The following SLC39A14 variants were observed in gnomAD, a reference collection of about 807,000 sequenced individuals.
SLC39A14 encodes the protein solute carrier family 39 member 14.
A neutral mutation model predicts 45.5 loss-of-function variants in SLC39A14; 19 were observed. That is an observed-to-expected ratio of 0.42 (90% CI 0.29 to 0.61). The LOEUF is 0.61. Ranked by LOEUF, SLC39A14 falls within the 20% of genes least tolerant of loss-of-function variation. The pLI is 0.22. For missense variants in SLC39A14, 447 were observed against 616.5 expected (o/e 0.73, Z 2.91); for synonymous variants, 264 against 251.3 (o/e 1.05, Z -0.48).
intron 1 of SLC39A14, among the ~76,000 whole-genome samples, chr8:22,400,735 C>T (rs1834807418): frequency 6.6e-6 from 1 of 152,184 alleles, no homozygotes; most frequent in Admixed American, 6.5e-5. Context: ...GATCCTAAAG[C>T]ATGTGATGTC....
chr8:22,368,062 C>A (rs1402228217), intron 1 of SLC39A14, among the ~76,000 whole-genome samples: 1 of 152,108 alleles, frequency 6.6e-6, no homozygotes, highest in Non-Finnish European at 1.5e-5. Context: ...GGGAAAATTT[C>A]GTCAGCTCTG....
In SLC39A14 at chr8:22,404,742, A is replaced by C. The variant is rs776240244; in HGVS notation, c.32A>C (p.Gln11Pro). The C allele has an allele frequency of 6.2e-7, 1 of 1,613,850 alleles. No homozygotes were observed. The highest frequency in any genetic ancestry group is 8.5e-7 in the Non-Finnish European group (1 of 1,179,990). Residue 11 changes from glutamine to proline, a missense_variant, in exon 2 of 9, where the codon CAG becomes CCG. Transcript: ENST00000381237. MKLLLLHPAF[Q>P]SCLLLTLLGL... The stretch of plus-strand genomic sequence containing the variant: ...CTGCTGCTGCTGCACCCGGCCTTCC[A>C]GAGCTGCCTCCTGCTGACCCTGCTT...
At chr8:22,400,925 T>A (rs1834816845) in intron 1 of SLC39A14, among the ~76,000 whole-genome samples, 1 of 152,256 alleles carries the variant, frequency 6.6e-6, no homozygotes, top group Non-Finnish European at 1.5e-5. Context: ...TATAGCTAAA[T>A]TTTATTGAGT....
At chr8:22,395,967 T>C (rs1414330415) in intron 1 of SLC39A14, among the ~76,000 whole-genome samples, 1 of 152,192 alleles carries the variant, frequency 6.6e-6, no homozygotes, top group Non-Finnish European at 1.5e-5. Context: ...CCTGAAGGAA[T>C]GCTAGCTGTG....
At position 22,412,238 on chromosome 8, in the gene SLC39A14, A is replaced by C. The variant is rs1835615063; in HGVS notation, c.627+32A>C. ...CAAGCCAGGGCCTTCACCCCGGAGCATGCCGGCGGGCACAGTGGGAGGACC... is the reference window on the plus strand; with the variant it reads ...CAAGCCAGGGCCTTCACCCCGGAGCCTGCCGGCGGGCACAGTGGGAGGACC... On this transcript the variant is annotated intron_variant, in intron 4 of 8. Transcript: ENST00000381237. The C allele has an allele frequency of 2.6e-6, 4 of 1,548,088 alleles. No individual in the cohort carries two copies. The East Asian group carries it at 7.3e-5, about 28-fold the overall frequency.
In SLC39A14 at chr8:22,372,630, G is replaced by A. The variant is rs779791049; in HGVS notation, c.-16+5222G>A. Among the ~76,000 whole-genome samples the A allele has an allele frequency of 2.0e-5, 3 of 152,164 alleles. No homozygotes were observed. In the East Asian group the frequency reaches 5.8e-4, roughly 29 times the overall value. Reference sequence around the variant, plus strand: ...GCAAAACAGCCATGTTCGGAATCCAGTTACTGCTTTTATGTACATACCTAG... The same window carrying A: ...GCAAAACAGCCATGTTCGGAATCCAATTACTGCTTTTATGTACATACCTAG... On this transcript the variant is annotated intron_variant, in intron 1 of 8. Coordinates refer to ENST00000381237, the MANE Select transcript of SLC39A14 (RefSeq NM_001128431.4).
chr8:22,391,218 C>G (rs1834054606), intron 1 of SLC39A14, among the ~76,000 whole-genome samples: 1 of 152,186 alleles, frequency 6.6e-6, no homozygotes, highest in Non-Finnish European at 1.5e-5. Flanking sequence ...CCCTTGTCAT[C>G]ATCATTCAGG....
intron 3 of SLC39A14, among the ~76,000 whole-genome samples, chr8:22,408,842 A>C (rs1835388920): frequency 8.5e-6 from 1 of 117,346 alleles, no homozygotes; most frequent in African/African-American, 3.3e-5. Context: ...TTTTTCTGAG[A>C]TAGGATGTCG....
intron 1 of SLC39A14, among the ~76,000 whole-genome samples, chr8:22,375,232 A>C (rs569521090): frequency 2.1e-5 from 2 of 94,266 alleles, no homozygotes; most frequent in Non-Finnish European, 5.3e-5. Flanking sequence ...TATACACAGA[A>C]TTCCCCCAAA....
At position 22,414,856 on chromosome 8, in the gene SLC39A14, T is replaced by C; in HGVS notation, c.704T>C (p.Phe235Ser). Residue 235 changes from phenylalanine (F) to serine (S), a missense_variant, in exon 5 of 9, where the codon TTT becomes TCT. Coordinates refer to ENST00000381237, the MANE Select transcript of SLC39A14 (RefSeq NM_001128431.4). ...AVVFGGFYLF[F>S]FTEKILKILL... ...GTGTTTGGGGGCTTTTATCTTTTCT[T>C]TTTCACAGAGAAGATCTTGAAGATT... 3.1e-6 allele frequency: 5 copies of C among 1,613,520 alleles called. No individual in the cohort carries two copies. The highest frequency in any genetic ancestry group is 4.2e-6 in the Non-Finnish European group (5 of 1,179,796).
rs6998411 is a variant in SLC39A14, at chr8:22,396,885, C to G, written c.-15-7811C>G. 6.9e-3 allele frequency among the ~76,000 whole-genome samples: 1,045 copies of G among 152,164 alleles called. 9 individuals carry two copies. The highest frequency in any genetic ancestry group is 0.024 in the African/African-American group (991 of 41,514). On this transcript the variant is annotated intron_variant, in intron 1 of 8. Coordinates refer to ENST00000381237, the MANE Select transcript of SLC39A14 (RefSeq NM_001128431.4). ...GAACATGAGCCATGCGTGGTGCCTC[C>G]TTCCTTTTTCCTTGCCTGTGGTTTT...
intron 1 of SLC39A14, among the ~76,000 whole-genome samples, chr8:22,385,950 A>AT (rs1028634311): frequency 1.3e-5 from 2 of 152,090 alleles, no homozygotes; most frequent in Admixed American, 1.3e-4. Flanking sequence ...ATTTTATTTT[A>AT]TTTTTTTGAG....
At chr8:22,370,273 C>T (rs1832858141) in intron 1 of SLC39A14, among the ~76,000 whole-genome samples, 3 of 152,316 alleles carry the variant, frequency 2.0e-5, no homozygotes, top group South Asian at 2.1e-4. Context: ...TACCTGCTCA[C>T]ACCCTGCACT....
In SLC39A14 at chr8:22,404,883, C is replaced by T; in HGVS notation, c.173C>T (p.Thr58Ile). 6.2e-7 allele frequency: 1 copy of T among 1,614,172 alleles called. No individual in the cohort carries two copies. Among genetic ancestry groups the T allele is most frequent in the East Asian group, 2.2e-5 (1 of 44,882 alleles). The change falls in exon 2 of 9, where the codon ACT (threonine) becomes ATT (isoleucine). Residue 58 changes from threonine to isoleucine, a missense_variant. Physicochemically the swap from Thr to Ile is moderately conservative, Grantham distance 89. Around this residue, in one of 2 missense-constraint regions of SLC39A14, gnomAD observed 342 missense variants for 428.1 expected, o/e 0.80. Transcript: ENST00000381237. ...CGGTATGGCGAGGGTGACAGCCTCA[C>T]TCTGCAGCAGCTGAAGGCCCTACTC... ...IHRYGEGDSL[T>I]LQQLKALLNH...
Position 22,419,027 on chromosome 8 carries a change from G to GAA in SLC39A14, c.1333-516_1333-515dup, listed in dbSNP as rs34995511. 9.4e-5 allele frequency among the ~76,000 whole-genome samples: 14 copies of GAA among 148,440 alleles called. 1 individual carries two copies. The highest frequency in any genetic ancestry group is 4.0e-4 in the East Asian group (2 of 5,044). ...CTGGGCAAGAGCGAGTGGAAAAAAG[G>GAA]AAAAAAAAAAGTCTATAATATAAAG... On this transcript the variant is annotated intron_variant, in intron 8 of 8. Coordinates refer to ENST00000381237, the MANE Select transcript of SLC39A14 (RefSeq NM_001128431.4).
At chr8:22,380,966 A>G (rs1331571452) in intron 1 of SLC39A14, among the ~76,000 whole-genome samples, 2 of 148,276 alleles carry the variant, frequency 1.3e-5, no homozygotes, top group Non-Finnish European at 3.0e-5. Flanking sequence ...GTGAGCCACC[A>G]TGCCCGGCCT....
At chr8:22,400,942 T>A (rs1834817982) in intron 1 of SLC39A14, among the ~76,000 whole-genome samples, 2 of 152,284 alleles carry the variant, frequency 1.3e-5, no homozygotes, top group African/African-American at 2.4e-5. Flanking sequence ...GAGTGCTTTC[T>A]ATATGGTTCA....
intron 1 of SLC39A14, among the ~76,000 whole-genome samples, chr8:22,370,532 A>G (rs142568484): frequency 1.9e-3 from 289 of 152,264 alleles, no homozygotes; most frequent in African/African-American, 6.5e-3. Context: ...TTTACAGTGA[A>G]AGAAACTGGA....
Position 22,419,406 on chromosome 8 carries a change from A to G in SLC39A14, c.1333-146A>G, listed in dbSNP as rs1407249707. ...ACCATGTTGGTCAGGCTGGTCTCGA[A>G]CTCCTGACCTCTAGTGAGCCGCTGC... On this transcript the variant is annotated intron_variant, in intron 8 of 8. Transcript: ENST00000381237. 13 of 720,654 alleles carry G rather than the reference A, an allele frequency of 1.8e-5. No individual in the cohort carries two copies. In the South Asian group the frequency reaches 1.8e-4, roughly 10 times the overall value. The allele number at this position is 720,654 out of a possible 1,614,324, so 44.6% of individuals were successfully genotyped here.
Sources: gnomAD v4.1 joint callset for allele counts (sites outside exome capture counted in the v4.1 genomes callset) on GRCh38, gnomAD v4.1.1 for gene constraint, gnomAD v4.1.1 regional missense constraint, MANE v1.5 for transcripts, NCBI Gene and HGNC (gene_info 2026-07-23, HGNC 2026-07-21) for gene names.